EYA1: variants seen among roughly 807,000 people sequenced by gnomAD.
EYA1 encodes EYA transcriptional coactivator and phosphatase 1, also known as protein phosphatase EYA1.
Under a neutral mutation model 82.0 loss-of-function variants are expected in EYA1, and 16 were observed. The observed-to-expected ratio is 0.20, with a 90% CI of 0.13 to 0.30. The LOEUF (loss-of-function observed/expected upper bound fraction) is 0.30. Ranked by LOEUF, EYA1 falls within the 10% of genes least tolerant of loss-of-function variation. EYA1 has a pLI of 1.00. For synonymous variants in EYA1, 261 were observed against 264.4 expected (o/e 0.99, Z 0.12); for missense variants, 633 against 730.7 (o/e 0.87, Z 1.54).
At chr8:71,255,036 T>G (rs1814237298) in intron 11 of EYA1, among the ~76,000 whole-genome samples, 1 of 152,032 alleles carries the variant, frequency 6.6e-6, no homozygotes, top group South Asian at 2.1e-4. Context: ...GGAATAAACT[T>G]AAATAGGGAG....
intron 2 of EYA1, among the ~76,000 whole-genome samples, chr8:71,503,344 G>A (rs1811954163): frequency 6.6e-6 from 1 of 152,018 alleles, no homozygotes; most frequent in Admixed American, 6.6e-5. Flanking sequence ...GTGGTGGCAT[G>A]CACCTGTAGT....
chr8:71,263,098 A>C (rs757299570), intron 11 of EYA1, among the ~76,000 whole-genome samples: 1 of 152,164 alleles, frequency 6.6e-6, no homozygotes, highest in Non-Finnish European at 1.5e-5. Context: ...TCGTTGGTCA[A>C]ATAGTTGAGA....
At chr8:71,349,228 C>G (rs1826064589) in intron 3 of EYA1, among the ~76,000 whole-genome samples, 1 of 152,172 alleles carries the variant, frequency 6.6e-6, no homozygotes, top group Non-Finnish European at 1.5e-5. Flanking sequence ...CTATAACCAC[C>G]CTGAGGAGTC....
intron 2 of EYA1, among the ~76,000 whole-genome samples, chr8:71,405,596 A>G (rs1302311906): frequency 6.6e-6 from 1 of 152,190 alleles, no homozygotes; most frequent in Non-Finnish European, 1.5e-5. Context: ...AAAAGGTACA[A>G]AATTAGAATG....
chr8:71,346,087 C>G (rs138668164), intron 3 of EYA1, among the ~76,000 whole-genome samples: 81 of 152,184 alleles, frequency 5.3e-4, no homozygotes, highest in African/African-American at 1.9e-3. Flanking sequence ...AGCTCAAGCT[C>G]TCTCTTTCTT....
At chr8:71,377,402 A>G (rs1165345826) in intron 2 of EYA1, among the ~76,000 whole-genome samples, 1 of 152,210 alleles carries the variant, frequency 6.6e-6, no homozygotes, top group African/African-American at 2.4e-5. Flanking sequence ...CAGCCAATCC[A>G]CAGAATCATG....
At chr8:71,453,101 G>T (rs568096499) in intron 2 of EYA1, among the ~76,000 whole-genome samples, 1 of 152,166 alleles carries the variant, frequency 6.6e-6, no homozygotes, top group Non-Finnish European at 1.5e-5. Context: ...GAAAACCATG[G>T]CACAAGAACT....
chr8:71,470,775 A>G, intron 2 of EYA1: 1 of 435,826 alleles, frequency 2.3e-6, no homozygotes, highest in South Asian at 1.7e-5. Context: ...CAGACTTAAC[A>G]CTGTGTGGCT....
At chr8:71,362,080 A>C, upstream of EYA1, 3 of 985,078 alleles carry the variant, frequency 3.0e-6, no homozygotes, top group South Asian at 4.7e-5. Flanking sequence ...AACCCTAGAC[A>C]AAGAAACAGC....
chr8:71,344,092 A>G (rs1053698329), intron 3 of EYA1, among the ~76,000 whole-genome samples: 1 of 152,186 alleles, frequency 6.6e-6, no homozygotes, highest in African/African-American at 2.4e-5. Context: ...ACACTTCAGC[A>G]TTCATATCAT....
At chr8:71,293,224 CA>C (rs1204128468) in intron 9 of EYA1, among the ~76,000 whole-genome samples, 1 of 152,006 alleles carries the variant, frequency 6.6e-6, no homozygotes, top group Non-Finnish European at 1.5e-5. Flanking sequence ...ACAGTCTACC[CA>C]AACTCACAGA....
intron 2 of EYA1, among the ~76,000 whole-genome samples, chr8:71,374,160 C>T (rs866802562): frequency 7.2e-5 from 11 of 151,900 alleles, no homozygotes; most frequent in Non-Finnish European, 1.3e-4. Context: ...CTAAAGGCTC[C>T]GCACAGCAGA....
chr8:71,441,424 C>A (rs1324132354), intron 2 of EYA1, among the ~76,000 whole-genome samples: 1 of 151,904 alleles, frequency 6.6e-6, no homozygotes, highest in African/African-American at 2.4e-5. Flanking sequence ...AATCACCAGA[C>A]AAACAAACCA....
At chr8:71,341,063 T>C (rs1330126519) in intron 3 of EYA1, among the ~76,000 whole-genome samples, 1 of 152,188 alleles carries the variant, frequency 6.6e-6, no homozygotes, top group Non-Finnish European at 1.5e-5. Flanking sequence ...TTATGTTATT[T>C]TGAAAAGTGT....
intron 2 of EYA1, among the ~76,000 whole-genome samples, chr8:71,390,402 A>C (rs1829211020): frequency 6.6e-6 from 1 of 151,902 alleles, no homozygotes; most frequent in South Asian, 2.1e-4. Context: ...AACTGTGACT[A>C]CAGGTATGTA....
intron 2 of EYA1, among the ~76,000 whole-genome samples, chr8:71,500,016 T>A (rs61690758): frequency 0.085 from 12,995 of 152,164 alleles, 1,399 homozygotes; most frequent in East Asian, 0.49. Context: ...AGTAAAAGAC[T>A]GTCAGGGTGA....
chr8:71,413,060 G>A (rs1830689902), intron 2 of EYA1, among the ~76,000 whole-genome samples: 2 of 152,178 alleles, frequency 1.3e-5, no homozygotes, highest in Admixed American at 1.3e-4. Context: ...AGGTAAAAGT[G>A]CCATAGTTTA....
chr8:71,458,721 T>C (rs931825977), intron 2 of EYA1, among the ~76,000 whole-genome samples: 1 of 152,042 alleles, frequency 6.6e-6, no homozygotes, highest in African/African-American at 2.4e-5. Context: ...CTCCTGAAGA[T>C]AAAGAAGAGT....
intron 1 of EYA1, among the ~76,000 whole-genome samples, chr8:71,543,455 T>G (rs2129293408): frequency 6.6e-6 from 1 of 152,340 alleles, no homozygotes; most frequent in African/African-American, 2.4e-5. Flanking sequence ...TGCCACGACT[T>G]ACATTCCTAA....
Sources: gnomAD v4.1 joint callset for allele counts (sites outside exome capture counted in the v4.1 genomes callset) on GRCh38, gnomAD v4.1.1 for gene constraint, MANE v1.5 for transcripts, NCBI Gene and HGNC (gene_info 2026-07-23, HGNC 2026-07-21) for gene names.